Variants in GSDME observed in about 807,000 individuals in gnomAD.
The protein encoded by GSDME is gasdermin-E.
In GSDME, 44 loss-of-function variants were observed where a neutral mutation model predicts 47.5. The ratio of observed to expected loss-of-function variants is 0.93; its 90% confidence interval spans 0.73 to 1.19. The LOEUF (loss-of-function observed/expected upper bound fraction) is 1.19. Among genes scored for constraint, GSDME ranks in the 50% most tolerant of loss-of-function variants. The pLI is 0.00. For missense variants in GSDME, 663 were observed against 604.2 expected, an observed-to-expected ratio of 1.10 and a Z score of -1.02; for synonymous variants, 258 against 252.8, an observed-to-expected ratio of 1.02 and a Z score of -0.20.
intron 6 of GSDME, among the ~76,000 whole-genome samples, chr7:24,709,275 C>T (rs1031627777): frequency 4.6e-5 from 7 of 152,228 alleles, no homozygotes; most frequent in South Asian, 2.1e-4. Context: ...AAGGAAGCTG[C>T]AGCACGGGAC....
upstream of GSDME, among the ~76,000 whole-genome samples, chr7:24,761,718 G>T (rs745961718): frequency 1.8e-4 from 27 of 152,324 alleles, no homozygotes; most frequent in African/African-American, 6.3e-4. This position sits in a 1 kb window ranked among gnomAD's most constrained non-coding sequence, Gnocchi z 4.4. Context: ...CTTCATCATG[G>T]TGGTTTTTGG....
At chr7:24,722,944 G>A (rs1201788048) in intron 3 of GSDME, among the ~76,000 whole-genome samples, 5 of 152,160 alleles carry the variant, frequency 3.3e-5, no homozygotes, top group African/African-American at 7.2e-5. Flanking sequence ...GCCCAGGGAC[G>A]GAGACTGTCT....
chr7:24,794,416 C>T, the GSDME span, among the ~76,000 whole-genome samples: 1 of 152,146 alleles, frequency 6.6e-6, no homozygotes, highest in Non-Finnish European at 1.5e-5. Context: ...GGGAGTAGAG[C>T]TACTCTTTCT....
chr7:24,737,582 G>T (rs760337615), intron 3 of GSDME, among the ~76,000 whole-genome samples: 22 of 151,938 alleles, frequency 1.4e-4, no homozygotes, highest in Admixed American at 3.3e-4. Context: ...AAAAAAGAAT[G>T]AATACCAATC....
rs550014047 is a variant in GSDME at position 24,710,304 on chromosome 7, C to A, written c.782G>T (p.Arg261Leu). ...TGGCATGTCTATGAATGCAAACTCT[C>A]GAAAGACCAGGGGGTCCAGGTAGAC... ...DSVYLDPLVF[R>L]EFAFIDMPDA... Residue 261 changes from arginine (R) to leucine (L), a missense_variant, in exon 6 of 10, where the codon CGA becomes CTA. Coordinates refer to ENST00000645220, the MANE Select transcript of GSDME (RefSeq NM_001127453.2). 4 of 1,614,212 alleles carry A rather than the reference C, an allele frequency of 2.5e-6. No homozygotes were observed. Among genetic ancestry groups the A allele is most frequent in the Non-Finnish European group, 3.4e-6 (4 of 1,180,038 alleles).
chr7:24,718,151 C>G (rs1408095697), intron 4 of GSDME, among the ~76,000 whole-genome samples: 1 of 152,238 alleles, frequency 6.6e-6, no homozygotes, highest in Non-Finnish European at 1.5e-5. Context: ...CCTGAGCCAT[C>G]TCCCATCGGC....
the GSDME span, among the ~76,000 whole-genome samples, chr7:24,788,969 T>C: frequency 6.6e-6 from 1 of 152,182 alleles, no homozygotes; most frequent in South Asian, 2.1e-4. The surrounding 1 kb of genome is among the most constrained non-coding windows in gnomAD (Gnocchi z 4.6). Flanking sequence ...TTATAGCTTG[T>C]TTTTCCTTTT....
In GSDME at chr7:24,754,245, G is replaced by A. The variant is rs530042391; in HGVS notation, c.-20+3151C>T. Among the ~76,000 whole-genome samples the A allele has an allele frequency of 6.6e-6, 1 of 152,292 alleles. No individual in the cohort carries two copies. The highest frequency in any genetic ancestry group is 1.9e-4 in the East Asian group (1 of 5,188). ...CTCATGCCTGTAATCCCAGCACTTTGGGAGGCCGAGGTGGGGCGGATCACC... is the reference window on the plus strand; with the variant it reads ...CTCATGCCTGTAATCCCAGCACTTTAGGAGGCCGAGGTGGGGCGGATCACC... On this transcript the variant is annotated intron_variant, in intron 1 of 9. Transcript: ENST00000645220. This position sits in a 1 kb window ranked among gnomAD's most constrained non-coding sequence, Gnocchi z 5.0.
rs549529123 is a variant in GSDME at position 24,727,459 on chromosome 7, TATTAAGCAAGA to T, written c.405-8252_405-8242del. Among the ~76,000 whole-genome samples, 80 of 152,326 alleles carry T rather than the reference TATTAAGCAAGA, an allele frequency of 5.3e-4. No homozygotes were observed. In the East Asian group the frequency reaches 0.014, roughly 27 times the overall value. On this transcript the variant is annotated intron_variant, in intron 3 of 9. Coordinates refer to ENST00000645220, the MANE Select transcript of GSDME (RefSeq NM_001127453.2). ...GGTGGCCAGCCTGCTGCTCAAGGAA[TATTAAGCAAGA>T]ATTACTAACCCACAGAAACAGAGAT...
At chr7:24,709,050 G>A (rs771234873) in intron 6 of GSDME, among the ~76,000 whole-genome samples, 2 of 152,214 alleles carry the variant, frequency 1.3e-5, no homozygotes, top group African/African-American at 4.8e-5. Context: ...GAGGATGGAC[G>A]ATTCCAACTA....
rs760045152 is a variant in GSDME, at chr7:24,702,701, C to A, written c.1257+59G>T. The A allele has an allele frequency of 6.4e-6, 9 of 1,416,260 alleles. No homozygotes were observed. The South Asian group carries it at 8.1e-5, about 13-fold the overall frequency. 87.7% of individuals were successfully genotyped at this position (1,416,260 alleles called of 1,614,324 possible). On this transcript the variant is annotated intron_variant, in intron 9 of 9. Coordinates refer to ENST00000645220, the MANE Select transcript of GSDME (RefSeq NM_001127453.2). ...TGTTTTACCGGCTGCTGGATGTCTA[C>A]CCCCTCATCATTTCCCCATTCCTAT...
At chr7:24,793,998 C>A in the GSDME span, among the ~76,000 whole-genome samples, 5 of 152,312 alleles carry the variant, frequency 3.3e-5, no homozygotes, top group Admixed American at 1.3e-4. Flanking sequence ...TCGGGCTACG[C>A]CCTTGTTTAC....
rs1316895495 is a variant in GSDME, at chr7:24,726,651, G to A, written c.405-7433C>T. 6.6e-5 allele frequency among the ~76,000 whole-genome samples: 10 copies of A among 152,052 alleles called. No homozygotes were observed. Among genetic ancestry groups the A allele is most frequent in the African/African-American group, 1.9e-4 (8 of 41,386 alleles). On this transcript the variant is annotated intron_variant, in intron 3 of 9. Transcript: ENST00000645220. This position sits in a 1 kb window ranked among gnomAD's most constrained non-coding sequence, Gnocchi z 5.6. Reference sequence around the variant, plus strand: ...ATCCTGGTTAATATGGTGAAACCCCGTCTCTACTAAAAATACAAAAAATCA... The same window carrying A: ...ATCCTGGTTAATATGGTGAAACCCCATCTCTACTAAAAATACAAAAAATCA...
chr7:24,768,963 A>G, the GSDME span, among the ~76,000 whole-genome samples: 2 of 152,234 alleles, frequency 1.3e-5, no homozygotes, highest in Non-Finnish European at 2.9e-5. This position sits in a 1 kb window ranked among gnomAD's most constrained non-coding sequence, Gnocchi z 5.6. Flanking sequence ...AGCCAGGAAT[A>G]ACAGACACAA....
At chr7:24,766,183 T>TTGTGTG in the GSDME span, among the ~76,000 whole-genome samples, 5,311 of 144,568 alleles carry the variant, frequency 0.037, 137 homozygotes, top group Admixed American at 0.077. The surrounding 1 kb of genome is among the most constrained non-coding windows in gnomAD (Gnocchi z 4.2). Flanking sequence ...ATTACATTAT[T>TTGTGTG]TGTGTGTGTG....
intron 3 of GSDME, among the ~76,000 whole-genome samples, chr7:24,729,371 T>C (rs1362693057): frequency 6.6e-6 from 1 of 152,222 alleles, no homozygotes; most frequent in Non-Finnish European, 1.5e-5. Flanking sequence ...GATAAACCAA[T>C]TATCCTTTCA....
intron 8 of GSDME, chr7:24,703,915 C>T (rs1426728053): frequency 6.6e-6 from 1 of 152,240 alleles, no homozygotes; most frequent in Non-Finnish European, 1.5e-5. Flanking sequence ...TGTCCCCAGC[C>T]ATCTCATCTG....
intron 7 of GSDME, chr7:24,707,897 T>C: frequency 1.7e-6 from 1 of 586,186 alleles, no homozygotes; most frequent in South Asian, 2.4e-5. Flanking sequence ...AAATTCCTGG[T>C]TTTTTAAGCC....
intron 3 of GSDME, among the ~76,000 whole-genome samples, chr7:24,737,041 A>G (rs1790328704): frequency 6.6e-6 from 1 of 152,130 alleles, no homozygotes; most frequent in Admixed American, 6.5e-5. Flanking sequence ...AGCTGTACAT[A>G]AATCAAAAAA....
Sources: allele counts gnomAD v4.1 joint callset (sites outside exome capture counted in the v4.1 genomes callset), GRCh38; gene constraint gnomAD v4.1.1; non-coding constraint Gnocchi (gnomAD v3.1); transcripts MANE v1.5; gene names NCBI Gene and HGNC (gene_info 2026-07-23, HGNC 2026-07-21).